NRG3: variants seen among roughly 807,000 people sequenced by gnomAD.
NRG3 encodes the protein neuregulin 3.
In NRG3, 31 loss-of-function variants were observed where a neutral mutation model predicts 66.9. That is an observed-to-expected ratio of 0.46 (90% CI 0.35 to 0.63). The LOEUF (loss-of-function observed/expected upper bound fraction) is 0.63, where lower values mean the gene tolerates loss of function less well. Among genes scored for constraint, NRG3 ranks in the 20% least tolerant of loss-of-function variants. The pLI is 0.00. For synonymous variants in NRG3, 393 were observed against 359.4 expected (o/e 1.09, Z -1.06); for missense variants, 910 against 878.9 (o/e 1.04, Z -0.45).
At chr10:82,713,925 G>A (rs1380216434) in intron 2 of NRG3, among the ~76,000 whole-genome samples, 1 of 152,088 alleles carries the variant, frequency 6.6e-6, no homozygotes, top group African/African-American at 2.4e-5. Context: ...TTTTCCTGAA[G>A]ATGTGGATGG....
At chr10:82,639,307 G>A (rs2050408889) in intron 2 of NRG3, among the ~76,000 whole-genome samples, 2 of 152,210 alleles carry the variant, frequency 1.3e-5, no homozygotes, top group South Asian at 4.2e-4. Context: ...GCTCCCTTGG[G>A]CCTCTTTTAT....
intron 1 of NRG3, among the ~76,000 whole-genome samples, chr10:82,191,935 G>A (rs1649942): frequency 0.73 from 111,355 of 152,030 alleles, 40,903 homozygotes; most frequent in South Asian, 0.85. Context: ...GTTCTTGCCA[G>A]TTCGATTCTA....
chr10:82,405,149 A>G (rs1319134881), intron 2 of NRG3, among the ~76,000 whole-genome samples: 1 of 152,200 alleles, frequency 6.6e-6, no homozygotes, highest in African/African-American at 2.4e-5. Context: ...AAGACCTCAG[A>G]AAAGTGGTCG....
chr10:82,384,579 T>A (rs1350022746), intron 2 of NRG3, among the ~76,000 whole-genome samples: 1 of 152,208 alleles, frequency 6.6e-6, no homozygotes, highest in Non-Finnish European at 1.5e-5. Context: ...GGCCTCCAGT[T>A]GCACACATGT....
Position 82,674,937 on chromosome 10 carries a change from ATATT to A in NRG3, c.954-63606_954-63603del, listed in dbSNP as rs57484788. 3.3e-3 allele frequency among the ~76,000 whole-genome samples: 470 copies of A among 143,706 alleles called. 1 individual carries two copies. Among genetic ancestry groups the A allele is most frequent in the South Asian group, 0.015 (69 of 4,534 alleles). The allele number at this position is 143,706 out of a possible 152,430, so 94.3% of individuals were successfully genotyped here. On this transcript the variant is annotated intron_variant, in intron 2 of 8. Coordinates refer to ENST00000372141, the MANE Select transcript of NRG3 (RefSeq NM_001010848.4). ...GCTTCTAGATTAGGGGGTTTTATTT[ATATT>A]TATTTATTTATTTATTTATTTATTT...
At chr10:82,443,918 G>T (rs1035514415) in intron 2 of NRG3, among the ~76,000 whole-genome samples, 3 of 152,136 alleles carry the variant, frequency 2.0e-5, no homozygotes, top group Non-Finnish European at 4.4e-5. Flanking sequence ...CACCTATGGG[G>T]ATAATAGGGA....
At chr10:81,931,262 A>G (rs370588393) in intron 1 of NRG3, among the ~76,000 whole-genome samples, 1 of 152,108 alleles carries the variant, frequency 6.6e-6, no homozygotes, top group Non-Finnish European at 1.5e-5. Flanking sequence ...ATCTCATCTC[A>G]TGAGCATAAA....
chr10:82,346,584 C>T (rs376362366), intron 1 of NRG3, among the ~76,000 whole-genome samples: 7 of 151,910 alleles, frequency 4.6e-5, no homozygotes, highest in South Asian at 2.1e-4. Context: ...CCTCATAAAA[C>T]GAGTTAGGGA....
chr10:82,719,685 C>T (rs772360543), intron 2 of NRG3, among the ~76,000 whole-genome samples: 9 of 152,180 alleles, frequency 5.9e-5, no homozygotes, highest in Non-Finnish European at 1.2e-4. Context: ...GTGACTCAGA[C>T]GTCTCCCTTT....
chr10:81,999,102 C>G (rs544174307), intron 1 of NRG3, among the ~76,000 whole-genome samples: 1 of 152,130 alleles, frequency 6.6e-6, no homozygotes, highest in African/African-American at 2.4e-5. Flanking sequence ...GGTGCCTGGG[C>G]GGCAAAGTGT....
At chr10:82,362,079 CAAAAAAAAAAA>C (rs58975630) in intron 2 of NRG3, among the ~76,000 whole-genome samples, 362 of 13,934 alleles carry the variant, frequency 0.026, 1 homozygote, top group South Asian at 0.066. Flanking sequence ...AAAGTACATG[CAAAAAAAAAAA>C]AAAAAAAAAA....
rs199600669 is a variant in NRG3 at position 82,376,269 on chromosome 10, A to G, written c.953+17401A>G. On this transcript the variant is annotated intron_variant, in intron 2 of 8. Transcript: ENST00000372141. ...ATTCAGATAGCCCGAACACATGCAG[A>G]GCAAACAAATTTGGATCTCTGTAAG... Among the ~76,000 whole-genome samples the G allele has an allele frequency of 2.0e-5, 3 of 152,134 alleles. No individual in the cohort carries two copies. The East Asian group carries it at 5.8e-4, about 29-fold the overall frequency.
At chr10:82,102,388 AG>A (rs2066815029) in intron 1 of NRG3, among the ~76,000 whole-genome samples, 1 of 149,942 alleles carries the variant, frequency 6.7e-6, no homozygotes, top group South Asian at 2.1e-4. Flanking sequence ...ATTGCATAGT[AG>A]GGCCTTTTTT....
At chr10:82,485,813 G>T (rs939773401) in intron 2 of NRG3, among the ~76,000 whole-genome samples, 1 of 151,812 alleles carries the variant, frequency 6.6e-6, no homozygotes, top group African/African-American at 2.4e-5. Context: ...AAATAGGCTG[G>T]TGAGGCTTCT....
At chr10:82,132,001 C>G (rs1213678569) in intron 1 of NRG3, among the ~76,000 whole-genome samples, 1 of 152,004 alleles carries the variant, frequency 6.6e-6, no homozygotes, top group South Asian at 2.1e-4. Flanking sequence ...TTGATCTCTT[C>G]CTTTCCAAAT....
chr10:82,481,620 G>A (rs1842275795), intron 2 of NRG3, among the ~76,000 whole-genome samples: 1 of 152,156 alleles, frequency 6.6e-6, no homozygotes, highest in Admixed American at 6.5e-5. Flanking sequence ...AAATTTAAAG[G>A]TAATCTTAGG....
At chr10:82,466,639 G>T (rs115489981) in intron 2 of NRG3, among the ~76,000 whole-genome samples, 1 of 152,164 alleles carries the variant, frequency 6.6e-6, no homozygotes, top group South Asian at 2.1e-4. Flanking sequence ...GATGAATGGA[G>T]ATCCAGCAGG....
rs752371199 is a variant in NRG3 at position 82,959,109 on chromosome 10, C to T, written c.1284+34C>T. 8 of 1,540,696 alleles carry T rather than the reference C, an allele frequency of 5.2e-6. No homozygotes were observed. The Middle Eastern group carries it at 5.3e-4, about 101-fold the overall frequency. On this transcript the variant is annotated intron_variant, in intron 6 of 8. Transcript: ENST00000372141. ...CATGTCTACACACCTCCTCCTATAGCCTACCTCAGTGCTTCCAGCTCAGAG... is the reference window on the plus strand; with the variant it reads ...CATGTCTACACACCTCCTCCTATAGTCTACCTCAGTGCTTCCAGCTCAGAG...
At chr10:81,916,605 AG>A (rs1236649184) in intron 1 of NRG3, among the ~76,000 whole-genome samples, 1 of 152,196 alleles carries the variant, frequency 6.6e-6, no homozygotes, top group Admixed American at 6.5e-5. Flanking sequence ...AACGAACCCA[AG>A]GGTCTGCTGT....
Sources: allele counts gnomAD v4.1 joint callset (sites outside exome capture counted in the v4.1 genomes callset), GRCh38; gene constraint gnomAD v4.1.1; transcripts MANE v1.5; gene names NCBI Gene and HGNC (gene_info 2026-07-23, HGNC 2026-07-21).